ITCH: variants seen among roughly 807,000 people sequenced by gnomAD.
The protein encoded by ITCH is itchy E3 ubiquitin protein ligase, also known as E3 ubiquitin-protein ligase Itchy homolog.
Under a neutral mutation model 126.8 loss-of-function variants are expected in ITCH, and 28 were observed. The ratio of observed to expected loss-of-function variants is 0.22; its 90% CI spans 0.16 to 0.30. The LOEUF is 0.30. ITCH is among the 10% of genes least tolerant of loss of function. The pLI is 1.00. For missense variants in ITCH, 631 were observed against 1,032.4 expected (o/e 0.61, Z 5.33); for synonymous variants, 342 against 340.0 (o/e 1.01, Z -0.06).
At chr20:34,471,673 GGTGTGTGTGTGTGTGT>G (rs10606931) in intron 16 of ITCH, among the ~76,000 whole-genome samples, 158 bp downstream of exon 16, 3 of 69,324 alleles carry the variant, frequency 4.3e-5, no homozygotes, top group African/African-American at 1.6e-4. Flanking sequence ...GGGCTTAAGG[GGTGTGTGTGTGTGTGT>G]GTGTGTGTGT....
intron 2 of ITCH, among the ~76,000 whole-genome samples, chr20:34,375,696 A>ATTTTTTTTTTTTTTT (rs5841171): frequency 1.5e-5 from 1 of 65,524 alleles, no homozygotes. Context: ...GGTAGTTAAA[A>ATTTTTTTTTTTTTTT]TTTTTTTTTT....
At chr20:34,396,150 C>T (rs555691893) in intron 3 of ITCH, among the ~76,000 whole-genome samples, 8 of 151,514 alleles carry the variant, frequency 5.3e-5, no homozygotes, top group Non-Finnish European at 7.4e-5. Context: ...TCTCATGCCT[C>T]AGTCTTCTGA....
intron 3 of ITCH, chr20:34,402,194 G>A (rs2038910663): frequency 5.0e-6 from 7 of 1,407,364 alleles, no homozygotes; most frequent in South Asian, 4.6e-5. Context: ...GAGGTTCCAG[G>A]GCAGCCAATA....
chr20:34,492,309 C>T (rs1989572078), intron 22 of ITCH, among the ~76,000 whole-genome samples, 192 bp from the exon 23 acceptor site: 1 of 152,174 alleles, frequency 6.6e-6, no homozygotes, highest in Non-Finnish European at 1.5e-5. Context: ...GGCAGGAGGA[C>T]TGCCTGCTGC....
At chr20:34,448,877 A>G (rs563305288) in intron 11 of ITCH, among the ~76,000 whole-genome samples, 2 of 152,308 alleles carry the variant, frequency 1.3e-5, no homozygotes, top group South Asian at 2.1e-4. Context: ...GAAGTCTTCC[A>G]TACAGTTCTA....
chr20:34,417,003 G>A (rs1568916917), intron 6 of ITCH: 3 of 474,982 alleles, frequency 6.3e-6, no homozygotes, highest in Middle Eastern at 6.4e-4. Flanking sequence ...TCTGCCTCCT[G>A]GGTTCAAGCG....
chr20:34,449,087 G>A (rs1211967982), intron 11 of ITCH, among the ~76,000 whole-genome samples: 7 of 152,046 alleles, frequency 4.6e-5, no homozygotes, highest in African/African-American at 9.7e-5. Flanking sequence ...TGACTTTTGG[G>A]GGGGTTATAT....
At chr20:34,477,153 A>G (rs1303310606) in intron 16 of ITCH, among the ~76,000 whole-genome samples, 1 of 150,942 alleles carries the variant, frequency 6.6e-6, no homozygotes. Context: ...AACCACAAAA[A>G]CCCCACCCAA....
intron 2 of ITCH, among the ~76,000 whole-genome samples, chr20:34,386,784 A>G (rs1051111700): frequency 1.8e-4 from 27 of 152,220 alleles, no homozygotes; most frequent in African/African-American, 6.5e-4. Context: ...TAAATAAGAT[A>G]CATATTTAAA....
intron 7 of ITCH, among the ~76,000 whole-genome samples, chr20:34,429,103 A>T (rs562934265): frequency 2.0e-4 from 31 of 151,986 alleles, no homozygotes; most frequent in African/African-American, 6.8e-4. Context: ...ACGCCCAGCT[A>T]ATTTTTTGTA....
chr20:34,487,216 G>A (rs1989191308), intron 20 of ITCH, among the ~76,000 whole-genome samples: 1 of 151,618 alleles, frequency 6.6e-6, no homozygotes, highest in East Asian at 1.9e-4. Context: ...GTTTCACCGT[G>A]TTAGCCAGGA....
chr20:34,415,651 A>AT, intron 6 of ITCH, among the ~76,000 whole-genome samples: 1 of 152,118 alleles, frequency 6.6e-6, no homozygotes, highest in Non-Finnish European at 1.5e-5. Context: ...GGTTATACTG[A>AT]TTTGGAGTTG....
intron 6 of ITCH, among the ~76,000 whole-genome samples, chr20:34,416,911 C>T (rs1340706051): frequency 2.3e-5 from 3 of 132,432 alleles, no homozygotes; most frequent in African/African-American, 5.7e-5. Context: ...CTCTTCCTAG[C>T]TTTTTTTTTT....
intron 6 of ITCH, among the ~76,000 whole-genome samples, chr20:34,415,256 CTT>C (rs1367985123): frequency 6.6e-6 from 1 of 152,066 alleles, no homozygotes; most frequent in Non-Finnish European, 1.5e-5. Context: ...TGACTCATGA[CTT>C]TTAAAAATAG....
At chr20:34,438,660 G>A (rs1259546515) in intron 8 of ITCH, 29 bp downstream of exon 8, 1 of 1,612,250 alleles carries the variant, frequency 6.2e-7, no homozygotes, top group East Asian at 2.2e-5. Context: ...AATACTCTTG[G>A]AAATAATGTC....
chr20:34,409,856 A>T (rs1038806763), intron 4 of ITCH, among the ~76,000 whole-genome samples: 79 of 152,118 alleles, frequency 5.2e-4, no homozygotes, highest in Non-Finnish European at 3.7e-4. Flanking sequence ...TTTAATTTTT[A>T]AAATTAAAAT....
At chr20:34,427,191 T>C (rs913870812) in intron 7 of ITCH, among the ~76,000 whole-genome samples, 1 of 152,260 alleles carries the variant, frequency 6.6e-6, no homozygotes, top group Non-Finnish European at 1.5e-5. Flanking sequence ...CACATTCTTA[T>C]GATGAAGAAT....
chr20:34,465,967 T>C (rs1987018036), intron 14 of ITCH, among the ~76,000 whole-genome samples: 1 of 152,150 alleles, frequency 6.6e-6, no homozygotes, highest in Non-Finnish European at 1.5e-5. Flanking sequence ...GTGGTGAAAA[T>C]AGGCATTCTT....
At chr20:34,478,328 A>AT (rs1337495508) in intron 17 of ITCH, among the ~76,000 whole-genome samples, 1 of 152,218 alleles carries the variant, frequency 6.6e-6, no homozygotes, top group African/African-American at 2.4e-5. Context: ...TCCAACTGAG[A>AT]TTAGTATATT....
Sources: gnomAD v4.1 joint callset for allele counts (sites outside exome capture counted in the v4.1 genomes callset) on GRCh38, gnomAD v4.1.1 for gene constraint, MANE v1.5 for transcripts, NCBI Gene and HGNC (gene_info 2026-07-23, HGNC 2026-07-21) for gene names.